The following KIAA0513 variants were observed in gnomAD, a reference collection of about 807,000 sequenced individuals.
KIAA0513 encodes KIAA0513.
In KIAA0513, 39 loss-of-function variants were observed where a neutral mutation model predicts 56.5. That is an observed-to-expected ratio of 0.69 (90% CI 0.53 to 0.90). The LOEUF is 0.90. Among genes scored for constraint, KIAA0513 ranks in the 40% least tolerant of loss-of-function variants. The probability of loss-of-function intolerance (pLI) is 0.00; values close to 1 mark genes in which losing one functional copy is unlikely to be tolerated. For missense variants in KIAA0513, 591 were observed against 535.2 expected (o/e 1.10, Z -1.03); for synonymous variants, 268 against 215.6 (o/e 1.24, Z -2.13).
At chr16:85,044,109 T>C (rs188585035) in intron 1 of KIAA0513, among the ~76,000 whole-genome samples, 9 of 152,374 alleles carry the variant, frequency 5.9e-5, no homozygotes, top group African/African-American at 2.2e-4. Flanking sequence ...TCTTTGTTTC[T>C]TAAAAACCTC....
intron 1 of KIAA0513, among the ~76,000 whole-genome samples, chr16:85,060,372 G>A (rs182713047): frequency 6.6e-6 from 1 of 152,180 alleles, no homozygotes; most frequent in Non-Finnish European, 1.5e-5. Context: ...GCGGTGGAGA[G>A]GAGGGAACTT....
intron 1 of KIAA0513, among the ~76,000 whole-genome samples, chr16:85,050,034 A>T (rs958352651): frequency 6.6e-6 from 1 of 152,142 alleles, no homozygotes; most frequent in Non-Finnish European, 1.5e-5. Context: ...ACAGCCCGTC[A>T]CCCAGGGAGG....
chr16:85,066,235 G>A (rs569734226), intron 1 of KIAA0513, among the ~76,000 whole-genome samples: 1 of 152,310 alleles, frequency 6.6e-6, no homozygotes, highest in South Asian at 2.1e-4. Flanking sequence ...ACTCCAGGGT[G>A]GGAATGGCGG....
chr16:85,085,359 T>TG (rs2073796458), intron 10 of KIAA0513, among the ~76,000 whole-genome samples: 1 of 152,348 alleles, frequency 6.6e-6, no homozygotes, highest in East Asian at 1.9e-4. Flanking sequence ...TGACCTCTCG[T>TG]GGGCCAGGGG....
At chr16:85,084,643 G>C (rs1432503933) in intron 10 of KIAA0513, among the ~76,000 whole-genome samples, 2 of 152,104 alleles carry the variant, frequency 1.3e-5, no homozygotes, top group East Asian at 3.9e-4. Flanking sequence ...TGGTCAGGCT[G>C]GCCTCAAACT....
In KIAA0513 at chr16:85,092,688, A is replaced by G. The variant is rs1255320140; in HGVS notation, c.*4363A>G. ...CCCTTGTCCTGTAAATCGTGTATTC[A>G]TGTTGATGATTCTTGGAGATAGGTT... On this transcript the variant is annotated 3_prime_UTR_variant, in exon 13 of 13. Coordinates refer to ENST00000683363, the MANE Select transcript of KIAA0513 (RefSeq NM_001388359.1). The G allele has an allele frequency of 6.6e-6, 1 of 152,184 alleles. No homozygotes were observed. The highest frequency in any genetic ancestry group is 1.5e-5 in the Non-Finnish European group (1 of 68,042). 9.4% of individuals were successfully genotyped at this position (152,184 alleles called of 1,614,324 possible).
At chr16:85,056,176 C>T (rs1277811957) in intron 1 of KIAA0513, among the ~76,000 whole-genome samples, 6 of 152,218 alleles carry the variant, frequency 3.9e-5, no homozygotes, top group East Asian at 1.9e-4. Flanking sequence ...ATGGACGGCA[C>T]GACGGTCTGC....
chr16:85,036,428 C>T (rs191354606), intron 1 of KIAA0513, among the ~76,000 whole-genome samples: 64 of 152,288 alleles, frequency 4.2e-4, no homozygotes, highest in Non-Finnish European at 5.3e-4. Flanking sequence ...TGGAATTGTC[C>T]AGTATGTGGC....
Position 85,066,461 on chromosome 16 carries a change from A to T in KIAA0513, c.-172-439A>T, listed in dbSNP as rs138310400. Among the ~76,000 whole-genome samples, 15 of 152,308 alleles carry T rather than the reference A, an allele frequency of 9.8e-5. No individual in the cohort carries two copies. In the East Asian group the frequency reaches 2.3e-3, roughly 23 times the overall value. ...CTTTTGACGAGAACAGAGCCCAGGA[A>T]GGAGGAGGTCAGAGCTCAGGAGGTG... On this transcript the variant is annotated intron_variant, in intron 1 of 12. Transcript: ENST00000683363.
At chr16:85,085,406 G>A (rs944650124) in intron 10 of KIAA0513, among the ~76,000 whole-genome samples, 15 of 152,198 alleles carry the variant, frequency 9.9e-5, no homozygotes, top group Non-Finnish European at 2.1e-4. Context: ...CCTTTGTTTT[G>A]TTTCTCTTCC....
chr16:85,081,172 C>G lies in KIAA0513; in HGVS notation c.903-143C>G, dbSNP rs1389095722. Reference sequence around the variant, plus strand: ...AGATCAAGCCATATGCTCAGTTTTTCCTTCTCAGCCCTACCTCTCTGAGAC... The same window carrying G: ...AGATCAAGCCATATGCTCAGTTTTTGCTTCTCAGCCCTACCTCTCTGAGAC... On this transcript the variant is annotated intron_variant, in intron 8 of 12. Coordinates refer to ENST00000683363, the MANE Select transcript of KIAA0513 (RefSeq NM_001388359.1). The surrounding 1 kb of genome is among the most constrained non-coding windows in gnomAD (Gnocchi z 4.4). 12 of 725,122 alleles carry G rather than the reference C, an allele frequency of 1.7e-5. No homozygotes were observed. The highest frequency in any genetic ancestry group is 2.4e-5 in the Non-Finnish European group (10 of 415,574). The allele number at this position is 725,122 out of a possible 1,614,324, so 44.9% of individuals were successfully genotyped here. A position where few individuals can be genotyped will look rare whatever the true frequency, so the allele number is the denominator to read the frequency against.
intron 1 of KIAA0513, chr16:85,063,515 C>T (rs1404996925): frequency 1.3e-5 from 2 of 152,406 alleles, no homozygotes; most frequent in South Asian, 4.1e-4. Context: ...AGCCACCCGC[C>T]TCGGCCTCCC....
intron 1 of KIAA0513, among the ~76,000 whole-genome samples, chr16:85,061,215 C>G (rs1055018090): frequency 6.6e-6 from 1 of 152,070 alleles, no homozygotes; most frequent in Non-Finnish European, 1.5e-5. Context: ...TATATTGCTG[C>G]AGACAGACTT....
Position 85,067,138 on chromosome 16 carries a change from C to T in KIAA0513, c.67C>T (p.Pro23Ser), listed in dbSNP as rs745653652. 3.1e-6 allele frequency: 5 copies of T among 1,613,806 alleles called. No individual in the cohort carries two copies. The highest frequency in any genetic ancestry group is 4.2e-6 in the Non-Finnish European group (5 of 1,179,856). ...DFGPEAPTSSPLEAPPPVLQD... is the reference protein window; with the variant it reads ...DFGPEAPTSSSLEAPPPVLQD... ...TGGGCCTGAGGCACCCACCTCTTCTCCCCTGGAGGCACCACCCCCTGTGCT... is the reference window on the plus strand; with the variant it reads ...TGGGCCTGAGGCACCCACCTCTTCTTCCCTGGAGGCACCACCCCCTGTGCT... The change falls in exon 2 of 13, where the codon CCC (proline) becomes TCC (serine). Residue 23 changes from proline to serine, a missense_variant. Transcript: ENST00000683363.
At chr16:85,057,920 T>C (rs2073352496) in intron 1 of KIAA0513, among the ~76,000 whole-genome samples, 2 of 152,200 alleles carry the variant, frequency 1.3e-5, no homozygotes, top group Non-Finnish European at 2.9e-5. Context: ...CCCACTGCCC[T>C]CCTCATTGGT....
At chr16:85,060,825 C>G (rs1368760755) in intron 1 of KIAA0513, among the ~76,000 whole-genome samples, 1 of 142,604 alleles carries the variant, frequency 7.0e-6, no homozygotes, top group Non-Finnish European at 1.5e-5. Context: ...GCCTGGGCAA[C>G]AGAGCGTGAA....
intron 1 of KIAA0513, among the ~76,000 whole-genome samples, chr16:85,039,990 G>A (rs1037684722): frequency 1.3e-5 from 2 of 150,930 alleles, no homozygotes; most frequent in African/African-American, 2.4e-5. Flanking sequence ...ATGTGCCACC[G>A]CGCCTGGCTA....
At chr16:85,041,310 T>C (rs2073101040) in intron 1 of KIAA0513, among the ~76,000 whole-genome samples, 1 of 152,142 alleles carries the variant, frequency 6.6e-6, no homozygotes, top group Non-Finnish European at 1.5e-5. Context: ...ATATCTTCCG[T>C]TGTATGACTG....
chr16:85,088,176 C>T (rs890996244), intron 12 of KIAA0513, 100 bp from the exon 13 acceptor site: 69 of 1,088,872 alleles, frequency 6.3e-5, no homozygotes, highest in Middle Eastern at 2.5e-4. Flanking sequence ...GCCCTGCTCC[C>T]AGGGAGGCCC....
Sources: gnomAD v4.1 joint callset for allele counts (sites outside exome capture counted in the v4.1 genomes callset) on GRCh38, gnomAD v4.1.1 for gene constraint, Gnocchi (gnomAD v3.1) non-coding constraint, MANE v1.5 for transcripts, NCBI Gene and HGNC (gene_info 2026-07-23, HGNC 2026-07-21) for gene names.